MTBP: variants seen among roughly 807,000 people sequenced by gnomAD.
MTBP encodes the protein MDM2 binding protein.
Under a neutral mutation model 117.0 loss-of-function variants are expected in MTBP, and 101 were observed. The ratio of observed to expected loss-of-function variants is 0.86; its 90% CI spans 0.73 to 1.02. The LOEUF (loss-of-function observed/expected upper bound fraction) is 1.02, where lower values mean the gene tolerates loss of function less well. Among genes scored for constraint, MTBP ranks in the 50% least tolerant of loss-of-function variants. The pLI is 0.00. For synonymous variants in MTBP, 350 were observed against 351.5 expected, an observed-to-expected ratio of 1.00 and a Z score of 0.05; for missense variants, 970 against 1,030.9, an observed-to-expected ratio of 0.94 and a Z score of 0.81.
At chr8:120,485,222 A>G (rs893410950) in intron 11 of MTBP, among the ~76,000 whole-genome samples, 3 of 152,150 alleles carry the variant, frequency 2.0e-5, no homozygotes, top group African/African-American at 7.2e-5. Flanking sequence ...AGGTTAGCTT[A>G]TTGATTGAGA....
chr8:120,469,143 T>C (rs547976189), intron 10 of MTBP, among the ~76,000 whole-genome samples: 1 of 152,206 alleles, frequency 6.6e-6, no homozygotes, highest in East Asian at 1.9e-4. Context: ...CCTCCCAGGT[T>C]CAAGCAATTC....
chr8:120,452,799 C>T (rs1352664288), intron 4 of MTBP: 1 of 145,196 alleles, frequency 6.9e-6, no homozygotes, highest in Middle Eastern at 3.6e-3. Flanking sequence ...CACTGTACTC[C>T]AGCCTGAGCG....
intron 11 of MTBP, among the ~76,000 whole-genome samples, chr8:120,477,506 G>A (rs1202245856): frequency 2.6e-5 from 4 of 152,146 alleles, no homozygotes; most frequent in Admixed American, 2.6e-4. Context: ...CTATCCATCT[G>A]ACAAAGGGCT....
At position 120,518,113 on chromosome 8, in the gene MTBP, T is replaced by C; in HGVS notation, c.2496+13T>C. On this transcript the variant is annotated intron_variant, in intron 19 of 21. Coordinates refer to ENST00000305949, the MANE Select transcript of MTBP (RefSeq NM_022045.5). Reference sequence around the variant, plus strand: ...GAAACACACACGGGTAAAGATTTATTTCCCATTTTTCTTAGTTCTACATAG... The same window carrying C: ...GAAACACACACGGGTAAAGATTTATCTCCCATTTTTCTTAGTTCTACATAG... 6.2e-7 allele frequency: 1 copy of C among 1,607,188 alleles called. No homozygotes were observed. The highest frequency in any genetic ancestry group is 8.5e-7 in the Non-Finnish European group (1 of 1,176,456).
chr8:120,520,853 C>G (rs367850803), intron 20 of MTBP, among the ~76,000 whole-genome samples: 1 of 151,590 alleles, frequency 6.6e-6, no homozygotes, highest in East Asian at 1.9e-4. Context: ...TATTCTATAC[C>G]CAGTCTGGAA....
intron 19 of MTBP, 123 bp downstream of exon 19, chr8:120,518,223 T>A (rs948734605): frequency 5.6e-6 from 6 of 1,067,594 alleles, no homozygotes; most frequent in Non-Finnish European, 7.8e-6. Flanking sequence ...AATTTACTGG[T>A]GTAAGAAGGA....
Position 120,457,061 on chromosome 8 carries a change from GA to G in MTBP, c.747+397del, listed in dbSNP as rs373215840. On this transcript the variant is annotated intron_variant, in intron 7 of 21. Transcript: ENST00000305949. ...ATTTTATTGCATGTGTAAACTACTA[GA>G]AAAAACTACTTAGAGCATATTGTCT... Among the ~76,000 whole-genome samples the G allele has an allele frequency of 1.4e-3, 213 of 152,158 alleles. 3 individuals carry two copies. Among genetic ancestry groups the G allele is most frequent in the African/African-American group, 4.8e-3 (201 of 41,534 alleles).
chr8:120,496,462 A>G (rs545515390), intron 13 of MTBP, among the ~76,000 whole-genome samples: 141 of 152,264 alleles, frequency 9.3e-4, no homozygotes, highest in African/African-American at 3.2e-3. Context: ...TGAAGTGACA[A>G]TTCAACATTT....
intron 12 of MTBP, among the ~76,000 whole-genome samples, chr8:120,489,915 A>AT (rs1447503256): frequency 2.0e-5 from 3 of 152,276 alleles, no homozygotes; most frequent in African/African-American, 7.2e-5. Flanking sequence ...GAGGAAAAAA[A>AT]CCCAAGCTAT....
chr8:120,474,657 TATTC>T (rs1354203693), intron 11 of MTBP, among the ~76,000 whole-genome samples: 1 of 152,044 alleles, frequency 6.6e-6, no homozygotes, highest in Non-Finnish European at 1.5e-5. Context: ...GTGACTTTAT[TATTC>T]ATTCATTCAT....
intron 11 of MTBP, among the ~76,000 whole-genome samples, chr8:120,485,197 G>T (rs1814185565): frequency 2.6e-5 from 4 of 152,118 alleles, no homozygotes; most frequent in Non-Finnish European, 5.9e-5. Flanking sequence ...CTTTTTTTCA[G>T]TGTCTTAAGG....
At chr8:120,511,614 T>C (rs1306312410) in intron 17 of MTBP, among the ~76,000 whole-genome samples, 1 of 152,196 alleles carries the variant, frequency 6.6e-6, no homozygotes, top group Non-Finnish European at 1.5e-5. Flanking sequence ...ACTTTTCATT[T>C]ATACTAAGTT....
intron 2 of MTBP, among the ~76,000 whole-genome samples, chr8:120,446,798 G>A (rs1174097593): frequency 6.6e-6 from 1 of 152,142 alleles, no homozygotes. Flanking sequence ...TAAGGGGAGT[G>A]TGGCTTTATG....
At chr8:120,464,701 T>A (rs1813651029) in intron 10 of MTBP, among the ~76,000 whole-genome samples, 1 of 152,104 alleles carries the variant, frequency 6.6e-6, no homozygotes, top group Admixed American at 6.5e-5. Flanking sequence ...AATAGTCCTT[T>A]GAATAGGACG....
At chr8:120,460,279 A>G (rs1813556018) in intron 8 of MTBP, among the ~76,000 whole-genome samples, 1 of 152,162 alleles carries the variant, frequency 6.6e-6, no homozygotes, top group African/African-American at 2.4e-5. Context: ...AGTATGAATA[A>G]TGTGTCCAAA....
intron 10 of MTBP, among the ~76,000 whole-genome samples, chr8:120,470,494 A>G (rs1459110614): frequency 6.6e-6 from 1 of 152,238 alleles, no homozygotes; most frequent in African/African-American, 2.4e-5. Context: ...TTTTGTATAT[A>G]TACAAATAAA....
intron 11 of MTBP, among the ~76,000 whole-genome samples, chr8:120,484,902 A>C (rs892492414): frequency 5.9e-5 from 9 of 152,174 alleles, no homozygotes; most frequent in Non-Finnish European, 7.4e-5. Flanking sequence ...GTGTAATCAT[A>C]TAGTATCTAG....
At chr8:120,473,180 T>C (rs947085582) in intron 11 of MTBP, 3 of 152,204 alleles carry the variant, frequency 2.0e-5, no homozygotes, top group African/African-American at 7.2e-5. Flanking sequence ...ATATTCTTTT[T>C]TTAAATTTGT....
intron 7 of MTBP, among the ~76,000 whole-genome samples, chr8:120,457,657 GC>G: frequency 6.6e-6 from 1 of 152,246 alleles, no homozygotes; most frequent in East Asian, 1.9e-4. Context: ...GCAGTGGGTG[GC>G]TCACGCCTAT....
Sources: gnomAD v4.1 joint callset for allele counts (sites outside exome capture counted in the v4.1 genomes callset) on GRCh38, gnomAD v4.1.1 for gene constraint, MANE v1.5 for transcripts, NCBI Gene and HGNC (gene_info 2026-07-23, HGNC 2026-07-21) for gene names.